MANBA: variants seen among roughly 807,000 people sequenced by gnomAD.
MANBA encodes the protein mannosidase beta.
A neutral mutation model predicts 111.1 loss-of-function variants in MANBA; 83 were observed. That is an observed-to-expected ratio of 0.75 (90% CI 0.63 to 0.90). MANBA has a LOEUF of 0.90. Among genes scored for constraint, MANBA ranks in the 40% least tolerant of loss-of-function variants. The pLI is 0.00. For synonymous variants in MANBA, 370 were observed against 378.7 expected, an observed-to-expected ratio of 0.98 and a Z score of 0.27; for missense variants, 1,036 against 1,069.0, an observed-to-expected ratio of 0.97 and a Z score of 0.43.
At chr4:102,680,528 T>C (rs946621675) in intron 7 of MANBA, among the ~76,000 whole-genome samples, 1 of 152,076 alleles carries the variant, frequency 6.6e-6, no homozygotes, top group Non-Finnish European at 1.5e-5. Context: ...TTCTGCAGCT[T>C]TTCCCATCAA....
chr4:102,657,896 T>A lies in MANBA; in HGVS notation c.1490A>T (p.Asp497Val). ...GGACGTAATAAAAGGACGACTCTTG[T>A]CTCCCTGAGTTCAGAAATAAAATGA... is the stretch of plus-strand genomic sequence containing the variant. ...KNIRELVLAG[D>V]KSRPFITSSP... Residue 497 changes from aspartate (D) to valine (V), a missense_variant, in exon 12 of 17, where the codon GAC (aspartate) becomes GTC (valine). Coordinates refer to ENST00000647097, the MANE Select transcript of MANBA (RefSeq NM_005908.4). The A allele has an allele frequency of 1.1e-5, 17 of 1,591,568 alleles. No homozygotes were observed. The highest frequency in any genetic ancestry group is 2.7e-5 in the African/African-American group (2 of 74,564).
At chr4:102,759,941 A>C (rs1192210178) in intron 1 of MANBA, among the ~76,000 whole-genome samples, 1 of 152,188 alleles carries the variant, frequency 6.6e-6, no homozygotes, top group African/African-American at 2.4e-5. Context: ...TTTTGCCCCA[A>C]GTAAAGACAA....
intron 11 of MANBA, among the ~76,000 whole-genome samples, chr4:102,660,735 G>C (rs909518160): frequency 4.7e-5 from 7 of 150,346 alleles, no homozygotes; most frequent in South Asian, 2.1e-4. Context: ...GGTTACAGGT[G>C]TAAGTCACCA....
chr4:102,635,727 G>A (rs2110189509), intron 15 of MANBA, 138 bp downstream of exon 15: 1 of 834,892 alleles, frequency 1.2e-6, no homozygotes, highest in East Asian at 2.8e-5. Context: ...ATGATTAATG[G>A]CAGGGTTGTA....
intron 12 of MANBA, among the ~76,000 whole-genome samples, chr4:102,654,337 G>A (rs1312037731): frequency 6.6e-6 from 1 of 152,006 alleles, no homozygotes; most frequent in Non-Finnish European, 1.5e-5. Context: ...ATTTCACAAT[G>A]TATATATGTT....
chr4:102,746,927 G>A (rs950343173), intron 1 of MANBA, among the ~76,000 whole-genome samples: 19 of 149,914 alleles, frequency 1.3e-4, no homozygotes, highest in African/African-American at 3.2e-4. Context: ...AGCAGAGATC[G>A]CGCCACTGCA....
rs752893294 is a variant in MANBA at position 102,722,980 on chromosome 4, G to A, written c.440C>T (p.Ala147Val). The A allele has an allele frequency of 1.4e-5, 22 of 1,613,920 alleles. No homozygotes were observed. In the South Asian group the frequency reaches 1.4e-4, roughly 10 times the overall value. Reference protein sequence around the residue: ...VNSIELRFQSAVLYAAQQSKA... With the variant: ...VNSIELRFQSVVLYAAQQSKA... ...GCTCTGCTGTGCTGCATACAACACC[G>A]CTGACTGGAAACGCAGCTCAATGGA... Residue 147 changes from alanine to valine, a missense_variant, in exon 4 of 17, where the codon GCG becomes GTG. Ala to Val is a moderately conservative substitution (Grantham distance 64, BLOSUM62 0). Transcript: ENST00000647097.
chr4:102,666,717 G>T (rs1297841317), intron 10 of MANBA: 1 of 152,198 alleles, frequency 6.6e-6, no homozygotes, highest in Non-Finnish European at 1.5e-5. Context: ...GGAAGTGTTG[G>T]CTAGGGAAGG....
At chr4:102,668,646 A>G (rs924873247) in intron 10 of MANBA, 2 of 307,126 alleles carry the variant, frequency 6.5e-6, no homozygotes, top group South Asian at 3.3e-5. Context: ...GGGGTGCAAT[A>G]TAAGTTTAGT....
intron 1 of MANBA, among the ~76,000 whole-genome samples, chr4:102,736,043 T>C (rs1245754019): frequency 6.6e-6 from 1 of 152,148 alleles, no homozygotes; most frequent in Non-Finnish European, 1.5e-5. Context: ...ACAATAATAA[T>C]AGTTAAAAGT....
Position 102,677,682 on chromosome 4 carries a change from C to T in MANBA, c.961-3612G>A, listed in dbSNP as rs77249608. Reference sequence around the variant, plus strand: ...TTTTCCAAGTACATCTGTGTGAGGTCAGATTTCCTTAATCTGTTTCAACCG... The same window carrying T: ...TTTTCCAAGTACATCTGTGTGAGGTTAGATTTCCTTAATCTGTTTCAACCG... On this transcript the variant is annotated intron_variant, in intron 7 of 16. Transcript: ENST00000647097. 6.7e-3 allele frequency among the ~76,000 whole-genome samples: 1,014 copies of T among 152,262 alleles called. 3 individuals carry two copies. The highest frequency in any genetic ancestry group is 0.012 in the Non-Finnish European group (825 of 68,006).
intron 1 of MANBA, among the ~76,000 whole-genome samples, chr4:102,753,243 T>C (rs1560816199): frequency 1.3e-5 from 2 of 152,112 alleles, no homozygotes; most frequent in South Asian, 4.1e-4. Flanking sequence ...TATTTGTCTC[T>C]ATATACTTAG....
At chr4:102,675,595 T>C (rs1731691298) in intron 7 of MANBA, among the ~76,000 whole-genome samples, 1 of 152,242 alleles carries the variant, frequency 6.6e-6, no homozygotes, top group Non-Finnish European at 1.5e-5. Context: ...GTACTACTTA[T>C]TCCTTTGTTT....
rs763312558 is a variant in MANBA at position 102,674,036 on chromosome 4, G to A, written c.995C>T (p.Pro332Leu). 1.9e-6 allele frequency: 3 copies of A among 1,603,004 alleles called. No individual in the cohort carries two copies. Among genetic ancestry groups the A allele is most frequent in the Non-Finnish European group, 2.6e-6 (3 of 1,170,062 alleles). Residue 332 changes from proline to leucine, a missense_variant, in exon 8 of 17, where the codon CCT becomes CTT. Physicochemically the swap from Pro to Leu is moderately conservative, Grantham distance 98. Coordinates refer to ENST00000647097, the MANE Select transcript of MANBA (RefSeq NM_005908.4). Reference sequence around the variant, plus strand: ...ACTCAAACCAGGAGACCCTTTTATAGGCTCTTCTATAAGTTCCACTGTCCT... The same window carrying A: ...ACTCAAACCAGGAGACCCTTTTATAAGCTCTTCTATAAGTTCCACTGTCCT... ...YFRTVELIEE[P>L]IKGSPGLSFY... is the part of the protein sequence containing the mutation.
intron 13 of MANBA, among the ~76,000 whole-genome samples, chr4:102,648,870 C>A (rs1214979395): frequency 6.6e-6 from 1 of 152,120 alleles, no homozygotes; most frequent in East Asian, 1.9e-4. Context: ...CCTTCCTAAT[C>A]ATTGCTCACA....
intron 4 of MANBA, among the ~76,000 whole-genome samples, chr4:102,718,772 G>A (rs1009656916): frequency 6.6e-6 from 1 of 152,152 alleles, no homozygotes; most frequent in Non-Finnish European, 1.5e-5. Context: ...AACAGAAAGA[G>A]TACAAAGAGA....
chr4:102,711,048 C>T (rs1014078661), intron 5 of MANBA, among the ~76,000 whole-genome samples: 9 of 152,014 alleles, frequency 5.9e-5, no homozygotes, highest in Admixed American at 5.2e-4. Context: ...TTCAAGACAT[C>T]GATCTAGACA....
At chr4:102,648,224 C>A (rs563127486) in intron 13 of MANBA, among the ~76,000 whole-genome samples, 1 of 152,188 alleles carries the variant, frequency 6.6e-6, no homozygotes, top group East Asian at 1.9e-4. Context: ...AATTCCATTT[C>A]TACCCTTTGA....
chr4:102,755,305 G>A (rs956092869), intron 1 of MANBA, among the ~76,000 whole-genome samples: 4 of 152,152 alleles, frequency 2.6e-5, no homozygotes, highest in Admixed American at 2.6e-4. Context: ...AGAGCCCTCA[G>A]AAATAATACC....
Sources: gnomAD v4.1 joint callset for allele counts (sites outside exome capture counted in the v4.1 genomes callset) on GRCh38, gnomAD v4.1.1 for gene constraint, MANE v1.5 for transcripts, NCBI Gene and HGNC (gene_info 2026-07-23, HGNC 2026-07-21) for gene names.